The following HPSE2 variants were observed in gnomAD, a reference collection of about 807,000 sequenced individuals.
The protein encoded by HPSE2 is inactive heparanase-2.
Under a neutral mutation model 60.5 loss-of-function variants are expected in HPSE2, and 38 were observed. The observed-to-expected ratio is 0.63, with a 90% CI of 0.48 to 0.82. HPSE2 has a LOEUF of 0.82. Among genes scored for constraint, HPSE2 ranks in the 40% least tolerant of loss-of-function variants. HPSE2 has a pLI of 0.00. For missense variants in HPSE2, 713 were observed against 740.4 expected, an observed-to-expected ratio of 0.96 and a Z score of 0.43; for synonymous variants, 295 against 293.2, an observed-to-expected ratio of 1.01 and a Z score of -0.06.
At chr10:98,970,780 A>T (rs759061786) in intron 3 of HPSE2, among the ~76,000 whole-genome samples, 5 of 152,188 alleles carry the variant, frequency 3.3e-5, no homozygotes, top group Admixed American at 2.6e-4. Flanking sequence ...TCATCAAACA[A>T]CATGCCACAT....
At chr10:98,699,180 C>A (rs537977982) in intron 5 of HPSE2, among the ~76,000 whole-genome samples, 176 of 151,966 alleles carry the variant, frequency 1.2e-3, no homozygotes, top group African/African-American at 4.2e-3. Context: ...CTGGCAGAGA[C>A]ACAACAAAAA....
At chr10:99,042,716 G>A (rs4132968) in intron 3 of HPSE2, among the ~76,000 whole-genome samples, 15,204 of 151,640 alleles carry the variant, frequency 0.1, 827 homozygotes, top group South Asian at 0.18. Flanking sequence ...AGAGAGCCCC[G>A]TGGCCCCTCA....
rs75390889 is a variant in HPSE2, at chr10:99,142,255, T to C, written c.610+1983A>G. Among the ~76,000 whole-genome samples, 515 of 152,338 alleles carry C rather than the reference T, an allele frequency of 3.4e-3. 3 individuals are homozygous for C. The highest frequency in any genetic ancestry group is 0.012 in the African/African-American group (493 of 41,582). The stretch of plus-strand genomic sequence containing the variant: ...GAAATATTTACAAAAGTTAGTTTAG[T>C]TATGTTTAAATATTATGTTTAGCTG... On this transcript the variant is annotated intron_variant, in intron 3 of 11. Transcript: ENST00000370552.
At chr10:99,218,075 A>T (rs1464769163) in intron 2 of HPSE2, among the ~76,000 whole-genome samples, 1 of 152,008 alleles carries the variant, frequency 6.6e-6, no homozygotes, top group African/African-American at 2.4e-5. Context: ...GTGATCAACA[A>T]ATGGTAGTTA....
At chr10:99,275,345 C>T in the HPSE2 span, among the ~76,000 whole-genome samples, 1 of 152,130 alleles carries the variant, frequency 6.6e-6, no homozygotes, top group African/African-American at 2.4e-5. Flanking sequence ...GGTGCTCATG[C>T]AGATGGCATG....
intron 6 of HPSE2, among the ~76,000 whole-genome samples, chr10:98,645,454 T>G (rs1946742421): frequency 6.6e-6 from 1 of 152,186 alleles, no homozygotes; most frequent in African/African-American, 2.4e-5. Flanking sequence ...GCCTCTACCT[T>G]TGACCCAGCT....
intron 3 of HPSE2, among the ~76,000 whole-genome samples, chr10:98,967,427 T>C (rs1476361870): frequency 1.3e-5 from 2 of 152,230 alleles, no homozygotes; most frequent in Non-Finnish European, 2.9e-5. Context: ...TCCAAGCCAT[T>C]TGAGGTTGCA....
chr10:99,204,845 T>C (rs555002208), intron 2 of HPSE2, among the ~76,000 whole-genome samples: 1 of 152,352 alleles, frequency 6.6e-6, no homozygotes, highest in Admixed American at 6.5e-5. Context: ...ATGTAGATAG[T>C]AGTCTATGTT....
intron 9 of HPSE2, among the ~76,000 whole-genome samples, chr10:98,593,114 T>C (rs145819619): frequency 6.6e-5 from 10 of 152,366 alleles, no homozygotes; most frequent in South Asian, 2.1e-4. Context: ...TAATATTTCC[T>C]GCCTTCAATT....
At chr10:98,503,768 A>C (rs560645488) in intron 9 of HPSE2, among the ~76,000 whole-genome samples, 7 of 152,308 alleles carry the variant, frequency 4.6e-5, no homozygotes, top group African/African-American at 1.4e-4. Context: ...CAGGAATGTA[A>C]AACCAAACAT....
chr10:98,803,077 G>A (rs1268497845), intron 3 of HPSE2, among the ~76,000 whole-genome samples: 3 of 151,266 alleles, frequency 2.0e-5, no homozygotes, highest in East Asian at 2.0e-4. Context: ...GCCAGTGATG[G>A]TGAGCATTTT....
chr10:99,000,942 T>A (rs1956764534), intron 3 of HPSE2, among the ~76,000 whole-genome samples: 1 of 152,114 alleles, frequency 6.6e-6, no homozygotes, highest in African/African-American at 2.4e-5. Context: ...TTATATAGGA[T>A]ATTGGTCTCA....
the HPSE2 span, among the ~76,000 whole-genome samples, chr10:99,308,720 G>A: frequency 6.6e-6 from 1 of 151,902 alleles, no homozygotes; most frequent in Non-Finnish European, 1.5e-5. Flanking sequence ...TTTAGTAGTG[G>A]CATTTCCATT....
chr10:99,300,142 A>T, the HPSE2 span, among the ~76,000 whole-genome samples: 6 of 151,952 alleles, frequency 3.9e-5, no homozygotes, highest in Non-Finnish European at 8.8e-5. Flanking sequence ...AGCATCTGGG[A>T]TGTTCAGACA....
chr10:99,048,200 G>A, intron 3 of HPSE2: 1 of 635,830 alleles, frequency 1.6e-6, no homozygotes, highest in Admixed American at 2.1e-5. Context: ...CATCTGCACG[G>A]AGGATCTGAT....
chr10:98,807,774 T>G (rs898101174), intron 3 of HPSE2, among the ~76,000 whole-genome samples: 2 of 152,210 alleles, frequency 1.3e-5, no homozygotes, highest in African/African-American at 4.8e-5. Context: ...ATCTTCTTGG[T>G]GATAGTATTT....
chr10:98,468,282 G>A (rs1296953568), intron 11 of HPSE2, among the ~76,000 whole-genome samples: 1 of 152,214 alleles, frequency 6.6e-6, no homozygotes, highest in African/African-American at 2.4e-5. Context: ...AGGCTGCTCA[G>A]AAGTGGCCCC....
chr10:98,754,750 G>T (rs1192027654), intron 3 of HPSE2, among the ~76,000 whole-genome samples: 1 of 147,952 alleles, frequency 6.8e-6, no homozygotes, highest in African/African-American at 2.5e-5. Context: ...TTTTCTTTAA[G>T]AATGCTGACT....
At chr10:99,079,009 G>A (rs568876443) in intron 3 of HPSE2, among the ~76,000 whole-genome samples, 13 of 152,196 alleles carry the variant, frequency 8.5e-5, no homozygotes, top group Non-Finnish European at 1.9e-4. Context: ...TTGGATCTTT[G>A]GATGTTCTAT....
Sources: allele counts gnomAD v4.1 joint callset (sites outside exome capture counted in the v4.1 genomes callset), GRCh38; gene constraint gnomAD v4.1.1; transcripts MANE v1.5; gene names NCBI Gene and HGNC (gene_info 2026-07-23, HGNC 2026-07-21).